PIEZO2: variants seen among roughly 807,000 people sequenced by gnomAD.
The protein encoded by PIEZO2 is piezo-type mechanosensitive ion channel component 2.
A neutral mutation model predicts 337.3 loss-of-function variants in PIEZO2; 172 were observed. The ratio of observed to expected loss-of-function variants is 0.51; its 90% CI spans 0.45 to 0.58. The LOEUF (loss-of-function observed/expected upper bound fraction) is 0.58. PIEZO2 is among the 20% of genes least tolerant of loss of function. The pLI, the probability that PIEZO2 is intolerant of heterozygous loss-of-function variation, is 0.00. For synonymous variants in PIEZO2, 1,251 were observed against 1,228.5 expected (o/e 1.02, Z -0.38); for missense variants, 3,028 against 3,391.3 (o/e 0.89, Z 2.66).
chr18:10,729,843 A>G (rs939740655), intron 36 of PIEZO2, among the ~76,000 whole-genome samples: 4 of 152,176 alleles, frequency 2.6e-5, no homozygotes, highest in African/African-American at 7.2e-5. Flanking sequence ...TCATGATTTC[A>G]TAATGTGCGT....
At chr18:10,679,136 G>A (rs1269065556) in intron 52 of PIEZO2, among the ~76,000 whole-genome samples, 3 of 152,114 alleles carry the variant, frequency 2.0e-5, no homozygotes, top group Non-Finnish European at 4.4e-5. Context: ...GTTTCGCCAT[G>A]TTGGCCAGGC....
intron 18 of PIEZO2, 151 bp downstream of exon 18, chr18:10,780,174 G>C (rs2144064173): frequency 1.6e-6 from 1 of 626,666 alleles, no homozygotes; most frequent in East Asian, 2.7e-5. Flanking sequence ...GATACCAAAT[G>C]GTTTGGTTTG....
rs1275980777 is a variant in PIEZO2, at chr18:10,794,665, C to A, written c.1758+107G>T. 1.1e-6 allele frequency: 1 copy of A among 874,220 alleles called. No individual in the cohort carries two copies. Among genetic ancestry groups the A allele is most frequent in the Non-Finnish European group, 1.7e-6 (1 of 588,184 alleles). 54.2% of individuals were successfully genotyped at this position (874,220 alleles called of 1,614,324 possible). On this transcript the variant is annotated intron_variant, in intron 13 of 55. Transcript: ENST00000674853. This position sits in a 1 kb window ranked among gnomAD's most constrained non-coding sequence, Gnocchi z 6.6. ...CTCATGTTTGTTCATTTTTACAAAGCAGTGAATATTTGGAACCTGTTTTTA... is the reference window on the plus strand; with the variant it reads ...CTCATGTTTGTTCATTTTTACAAAGAAGTGAATATTTGGAACCTGTTTTTA...
intron 4 of PIEZO2, among the ~76,000 whole-genome samples, chr18:10,885,508 AT>A (rs1292352335): frequency 6.6e-6 from 1 of 152,174 alleles, no homozygotes; most frequent in Non-Finnish European, 1.5e-5. Flanking sequence ...TTGGTGAAGT[AT>A]GTGGTGGGGT....
chr18:10,705,256 T>C (rs754930477), intron 41 of PIEZO2, 80 bp downstream of exon 41: 16 of 1,416,322 alleles, frequency 1.1e-5, no homozygotes, highest in Non-Finnish European at 1.4e-5. Flanking sequence ...ATATATGAAT[T>C]TTTCTGTATA....
chr18:10,841,835 G>C lies in PIEZO2; in HGVS notation c.917+13518C>G, dbSNP rs373114806. Among the ~76,000 whole-genome samples the C allele has an allele frequency of 4.6e-5, 7 of 151,970 alleles. No individual in the cohort carries two copies. The East Asian group carries it at 7.7e-4, about 17-fold the overall frequency. ...GTAACTCCACTTATTTTTTTTACAG[G>C]ATTAAATACACACACACATATATTA... On this transcript the variant is annotated intron_variant, in intron 7 of 55. Transcript: ENST00000674853.
chr18:11,082,369 G>C (rs1053581013), intron 1 of PIEZO2, among the ~76,000 whole-genome samples: 2 of 151,050 alleles, frequency 1.3e-5, no homozygotes, highest in African/African-American at 2.4e-5. Flanking sequence ...CCAGGCTGGA[G>C]TGCAGTGGCG....
intron 3 of PIEZO2, among the ~76,000 whole-genome samples, chr18:10,920,960 G>A (rs1208377887): frequency 6.6e-6 from 1 of 152,146 alleles, no homozygotes; most frequent in Non-Finnish European, 1.5e-5. Context: ...GGCCAAGGCA[G>A]GAGACTCGCT....
At chr18:10,712,276 G>C (rs1404002697) in intron 39 of PIEZO2, among the ~76,000 whole-genome samples, 1 of 152,088 alleles carries the variant, frequency 6.6e-6, no homozygotes, top group Non-Finnish European at 1.5e-5. Context: ...GCCCATGCAG[G>C]GTCCCTCTAG....
intron 2 of PIEZO2, among the ~76,000 whole-genome samples, chr18:10,987,290 A>T (rs2034911607): frequency 6.6e-6 from 1 of 152,166 alleles, no homozygotes; most frequent in Admixed American, 6.5e-5. Flanking sequence ...GAAGCATCAC[A>T]CTTTCTGATT....
At chr18:10,728,012 T>A (rs549861166) in intron 36 of PIEZO2, 1 of 149,986 alleles carries the variant, frequency 6.7e-6, no homozygotes, top group Non-Finnish European at 1.5e-5. Flanking sequence ...ATAAATAGCA[T>A]GAATTGATAA....
intron 7 of PIEZO2, among the ~76,000 whole-genome samples, chr18:10,848,361 A>G (rs780911214): frequency 1.3e-5 from 2 of 152,226 alleles, no homozygotes; most frequent in Non-Finnish European, 2.9e-5. Flanking sequence ...CTTTAGAAGA[A>G]ACTCATCATG....
At chr18:10,890,418 C>A (rs184217796) in intron 4 of PIEZO2, 11 of 152,270 alleles carry the variant, frequency 7.2e-5, no homozygotes, top group African/African-American at 2.6e-4. Flanking sequence ...TCTGTTCTCA[C>A]GCTGCTAATA....
At chr18:10,791,029 G>A (rs557998834) in intron 14 of PIEZO2, among the ~76,000 whole-genome samples, 172 bp downstream of exon 14, 1 of 152,180 alleles carries the variant, frequency 6.6e-6, no homozygotes, top group Non-Finnish European at 1.5e-5. Context: ...TAGCACTCCT[G>A]TGCAACTCTC....
At chr18:11,145,728 G>GT (rs1354933556) in intron 1 of PIEZO2, among the ~76,000 whole-genome samples, 2 of 152,124 alleles carry the variant, frequency 1.3e-5, no homozygotes, top group African/African-American at 4.8e-5. Flanking sequence ...CTCAAATAAG[G>GT]TGGCATATCT....
chr18:10,712,249 C>T (rs1349442614), intron 39 of PIEZO2, among the ~76,000 whole-genome samples: 1 of 152,194 alleles, frequency 6.6e-6, no homozygotes, highest in African/African-American at 2.4e-5. Flanking sequence ...CACAAACCTG[C>T]AGGCTTTCAC....
At chr18:10,720,950 T>C (rs1471147026) in intron 36 of PIEZO2, among the ~76,000 whole-genome samples, 1 of 152,226 alleles carries the variant, frequency 6.6e-6, no homozygotes. Context: ...AAATACTCCC[T>C]TCTTCATGGA....
rs952738577 is a variant in PIEZO2, at chr18:10,895,223, A to G, written c.329+15963T>C. Among the ~76,000 whole-genome samples, 1 of 152,142 alleles carries G rather than the reference A, an allele frequency of 6.6e-6. No individual in the cohort carries two copies. Among genetic ancestry groups the G allele is most frequent in the Non-Finnish European group, 1.5e-5 (1 of 68,028 alleles). Reference sequence around the variant, plus strand: ...CATTTTGGGAGGCCAAGGTGGGTGGATCACTTGAGGTCAGGAGATCGAGAC... The same window carrying G: ...CATTTTGGGAGGCCAAGGTGGGTGGGTCACTTGAGGTCAGGAGATCGAGAC... On this transcript the variant is annotated intron_variant, in intron 4 of 55. Transcript: ENST00000674853. The surrounding 1 kb of genome is among the most constrained non-coding windows in gnomAD (Gnocchi z 4.8).
Position 10,789,231 on chromosome 18 carries a change from T to C in PIEZO2, c.2017A>G (p.Lys673Glu). 8 of 1,537,360 alleles carry C rather than the reference T, an allele frequency of 5.2e-6. No homozygotes were observed. Among genetic ancestry groups the C allele is most frequent in the Non-Finnish European group, 7.0e-6 (8 of 1,146,934 alleles). Residue 673 changes from lysine (K) to glutamate (E), a missense_variant, in exon 15 of 56, where the codon AAA (lysine) becomes GAA (glutamate). Lys to Glu is a moderately conservative substitution (Grantham distance 56, BLOSUM62 1). Around this residue, in one of 5 missense-constraint regions of PIEZO2, gnomAD observed 1,925 missense variants for 2,051.9 expected, o/e 0.94. Coordinates refer to ENST00000674853, the MANE Select transcript of PIEZO2 (RefSeq NM_001378183.1). ...GCCACCACCAGATTGCCCAGGACTT[T>C]CATGATGTCCTGCTCATCTTCTTCT... ...AEEEDEQDIMKVLGNLVVAMF... is the reference protein window; with the variant it reads ...AEEEDEQDIMEVLGNLVVAMF...
Sources: allele counts gnomAD v4.1 joint callset (sites outside exome capture counted in the v4.1 genomes callset), GRCh38; gene constraint gnomAD v4.1.1; regional missense constraint gnomAD v4.1.1; non-coding constraint Gnocchi (gnomAD v3.1); transcripts MANE v1.5; gene names NCBI Gene and HGNC (gene_info 2026-07-23, HGNC 2026-07-21).